The following POLR1A variants were observed in gnomAD, a reference collection of about 807,000 sequenced individuals.
The protein encoded by POLR1A is DNA-directed RNA polymerase I subunit RPA1.
POLR1A carries 84 observed loss-of-function variants against 205.3 expected under a neutral mutation model. The ratio of observed to expected loss-of-function variants is 0.41; its 90% CI spans 0.34 to 0.49. The LOEUF is 0.49. POLR1A is among the 20% of genes least tolerant of loss of function. The pLI, the probability that POLR1A is intolerant of heterozygous loss-of-function variation, is 0.22. For synonymous variants in POLR1A, 799 were observed against 863.7 expected (o/e 0.93, Z 1.31); for missense variants, 1,645 against 2,204.5 (o/e 0.75, Z 5.08).
At chr2:86,054,642 A>G (rs914699347) in intron 14 of POLR1A, among the ~76,000 whole-genome samples, 4 of 152,244 alleles carry the variant, frequency 2.6e-5, no homozygotes, top group African/African-American at 4.8e-5. Flanking sequence ...ATTTTATGCC[A>G]CATACTCAGA....
intron 14 of POLR1A, among the ~76,000 whole-genome samples, chr2:86,057,179 G>A (rs58861315): frequency 0.016 from 2,462 of 152,226 alleles, 43 homozygotes; most frequent in East Asian, 0.098. Flanking sequence ...ACAGGAGTTT[G>A]GAACAAGTTG....
chr2:86,068,388 G>GGGGGT (rs1553436037), intron 13 of POLR1A, among the ~76,000 whole-genome samples: 1 of 116,960 alleles, frequency 8.5e-6, no homozygotes, highest in African/African-American at 3.3e-5. Flanking sequence ...CACATGGGCG[G>GGGGGT]GGGGGGGGGG....
intron 11 of POLR1A, 42 bp downstream of exon 11, chr2:86,077,807 GCGCGCACACA>G (rs1400897248): frequency 6.9e-6 from 7 of 1,008,614 alleles, no homozygotes; most frequent in African/African-American, 5.2e-5. Flanking sequence ...CTGCACGCGC[GCGCGCACACA>G]CACACACACA....
intron 11 of POLR1A, among the ~76,000 whole-genome samples, chr2:86,076,657 C>T (rs528167703): frequency 9.2e-5 from 14 of 152,314 alleles, no homozygotes; most frequent in Admixed American, 5.2e-4. Context: ...GAAGTGACTT[C>T]GGGGTCTCTC....
In POLR1A at chr2:86,038,717, C is replaced by T. The variant is rs776187506; in HGVS notation, c.4017G>A (p.Leu1339=). 6.2e-7 allele frequency: 1 copy of T among 1,613,810 alleles called. No homozygotes were observed. The highest frequency in any genetic ancestry group is 1.1e-5 in the South Asian group (1 of 91,064). ...QEKCLRPEDI[L]RFMETRFFKL... ...GCCCTGACCTTGTTTCCATGAAGCG[C>T]AGGATGTCCTCGGGTCTCAGGCACT... Residue 1339 remains leucine (L), a synonymous_variant, in exon 27 of 34, where the codon CTG becomes CTA. Transcript: ENST00000263857.
At chr2:86,055,308 G>A (rs1223938257) in intron 14 of POLR1A, among the ~76,000 whole-genome samples, 3 of 146,628 alleles carry the variant, frequency 2.0e-5, no homozygotes, top group African/African-American at 7.5e-5. Context: ...AAAAAAAAGA[G>A]AGTGGGCAAT....
At chr2:86,054,066 C>T (rs1672853552) in intron 15 of POLR1A, 74 bp downstream of exon 15, 1 of 1,444,570 alleles carries the variant, frequency 6.9e-7, no homozygotes, top group Non-Finnish European at 9.6e-7. Context: ...GCCTCCATTT[C>T]TGTCTCCATT....
rs959396556 is a variant in POLR1A, at chr2:86,032,329, A to C, written c.4215T>G (p.Ala1405=). ...EEEGHIVDAE[A]EEGDADASDA... ...CAGAGGCATCGGCGTCCCCCTCCTC[A>C]GCTTCAGCATCCACAATGTGCCCCT... Residue 1405 remains alanine (A), a synonymous_variant, in exon 29 of 34, where the codon GCT becomes GCG. Transcript: ENST00000263857. 9 of 1,613,670 alleles carry C rather than the reference A, an allele frequency of 5.6e-6. No homozygotes were observed. The highest frequency in any genetic ancestry group is 7.6e-6 in the Non-Finnish European group (9 of 1,179,704).
chr2:86,077,491 TG>T (rs1322154263), intron 11 of POLR1A, among the ~76,000 whole-genome samples: 1 of 152,066 alleles, frequency 6.6e-6, no homozygotes, highest in African/African-American at 2.4e-5. Context: ...TCCTCTCCCC[TG>T]TCATGTATTC....
intron 20 of POLR1A, 24 bp from the exon 21 acceptor site, chr2:86,045,384 C>A: frequency 1.3e-6 from 2 of 1,581,632 alleles, no homozygotes; most frequent in Non-Finnish European, 1.7e-6. Flanking sequence ...GACCCAGGTC[C>A]CAAAGGTGAC....
Position 86,031,585 on chromosome 2 carries a change from G to A in POLR1A, c.4323C>T (p.Asp1441=), listed in dbSNP as rs371206733. The part of the protein sequence containing the change: ...EEEEREGEEN[D]DEDMQEERNP... ...TTCGTTCCTCCTGCATGTCTTCATC[G>A]TCGTTCTCCTCGCCCTCCCTCTCCT... is the stretch of plus-strand genomic sequence containing the variant. Residue 1441 remains aspartate, a synonymous_variant, in exon 30 of 34, where the codon GAC becomes GAT. Coordinates refer to ENST00000263857, the MANE Select transcript of POLR1A (RefSeq NM_015425.6). 140 of 1,613,366 alleles carry A rather than the reference G, an allele frequency of 8.7e-5. No homozygotes were observed. In the African/African-American group the frequency reaches 1.0e-3, roughly 12 times the overall value.
Position 86,088,884 on chromosome 2 carries a change from A to G in POLR1A, c.541-14T>C. The G allele has an allele frequency of 1.3e-6, 2 of 1,595,192 alleles. No homozygotes were observed. Among genetic ancestry groups the G allele is most frequent in the South Asian group, 2.2e-5 (2 of 89,702 alleles). On this transcript the variant is annotated splice_polypyrimidine_tract_variant and intron_variant, in intron 4 of 33. Transcript: ENST00000263857. Reference sequence around the variant, plus strand: ...CACGTTCTTTACCTGTTTTTTTAAAAAAAGTCAGAGAACCTTGGAGTGCCA... The same window carrying G: ...CACGTTCTTTACCTGTTTTTTTAAAGAAAGTCAGAGAACCTTGGAGTGCCA...
Position 86,039,341 on chromosome 2 carries a change from C to T in POLR1A, c.3862G>A (p.Val1288Met), listed in dbSNP as rs758656592. ...AGAGACGTTACCTCCCCCAAGCACA[C>T]CCTGGTGAGTTGCTTCTTCAGGCTT... is the stretch of plus-strand genomic sequence containing the variant. ...VKSLKKQLTR[V>M]CLGEVLQKID... The change falls in exon 26 of 34, where the codon GTG (valine) becomes ATG (methionine). Residue 1288 changes from valine (V) to methionine (M), a missense_variant. By Grantham distance (21) the Val-to-Met change is conservative (BLOSUM62 1). Transcript: ENST00000263857. The T allele has an allele frequency of 1.2e-6, 2 of 1,614,106 alleles. No individual in the cohort carries two copies. Among genetic ancestry groups the T allele is most frequent in the Admixed American group, 3.3e-5 (2 of 60,022 alleles).
In POLR1A at chr2:86,027,185, C is replaced by A; in HGVS notation, c.*238G>T. On this transcript the variant is annotated 3_prime_UTR_variant, in exon 34 of 34. Transcript: ENST00000263857. ...AGGGGGACTCAGAAGACTTGGTAAA[C>A]CTTGATAAAAATCCAGAGACAGGGA... The A allele has an allele frequency of 1.7e-6, 1 of 572,422 alleles. No individual in the cohort carries two copies. Among genetic ancestry groups the A allele is most frequent in the Non-Finnish European group, 3.1e-6 (1 of 319,832 alleles). 35.5% of individuals were successfully genotyped at this position (572,422 alleles called of 1,614,324 possible).
rs755577636 is a variant in POLR1A at position 86,040,575 on chromosome 2, G to A, written c.3573-16C>T. On this transcript the variant is annotated splice_polypyrimidine_tract_variant and intron_variant, in intron 24 of 33. Coordinates refer to ENST00000263857, the MANE Select transcript of POLR1A (RefSeq NM_015425.6). Reference sequence around the variant, plus strand: ...GGTCCTCAACCTAGAGACGGTGGTGGGGGGTCAGGGTGGGGGTTGTGGCAG... The same window carrying A: ...GGTCCTCAACCTAGAGACGGTGGTGAGGGGTCAGGGTGGGGGTTGTGGCAG... 18 of 1,531,122 alleles carry A rather than the reference G, an allele frequency of 1.2e-5. No individual in the cohort carries two copies. The highest frequency in any genetic ancestry group is 1.6e-5 in the Non-Finnish European group (18 of 1,136,748). The allele number at this position is 1,531,122 out of a possible 1,614,324, so 94.8% of individuals were successfully genotyped here.
At chr2:86,069,878 C>T (rs1164702194) in intron 13 of POLR1A, 140 bp downstream of exon 13, 3 of 865,818 alleles carry the variant, frequency 3.5e-6, no homozygotes, top group Admixed American at 5.9e-5. Flanking sequence ...AAAAGCCCCA[C>T]CTGGGAGAAA....
chr2:86,094,081 A>G (rs1673658364), intron 3 of POLR1A, among the ~76,000 whole-genome samples: 1 of 152,214 alleles, frequency 6.6e-6, no homozygotes, highest in Non-Finnish European at 1.5e-5. Flanking sequence ...AACTGGTCCC[A>G]TCAGGTATGC....
intron 3 of POLR1A, among the ~76,000 whole-genome samples, chr2:86,096,611 A>G (rs1197345354): frequency 1.3e-5 from 2 of 152,200 alleles, no homozygotes; most frequent in African/African-American, 2.4e-5. Flanking sequence ...GAACCCAAAA[A>G]TTAATCTGCA....
intron 3 of POLR1A, among the ~76,000 whole-genome samples, chr2:86,095,058 G>A (rs1161424196): frequency 7.2e-5 from 11 of 152,144 alleles, no homozygotes; most frequent in Non-Finnish European, 1.0e-4. Flanking sequence ...CTGGTATTCC[G>A]CACAGGGCTG....
Sources: gnomAD v4.1 joint callset for allele counts (sites outside exome capture counted in the v4.1 genomes callset) on GRCh38, gnomAD v4.1.1 for gene constraint, MANE v1.5 for transcripts, NCBI Gene and HGNC (gene_info 2026-07-23, HGNC 2026-07-21) for gene names.